The following ASB5 variants were observed in gnomAD, a reference collection of about 807,000 sequenced individuals.
ASB5 encodes ankyrin repeat and SOCS box protein 5.
Under a neutral mutation model 42.1 loss-of-function variants are expected in ASB5, and 45 were observed. The observed-to-expected ratio is 1.07, with a 90% CI of 0.84 to 1.37. The LOEUF (loss-of-function observed/expected upper bound fraction) is 1.37, where lower values mean the gene tolerates loss of function less well. Ranked by LOEUF, ASB5 falls within the 40% of genes most tolerant of loss-of-function variation. The probability of loss-of-function intolerance (pLI) is 0.00; values close to 1 mark genes in which losing one functional copy is unlikely to be tolerated. For synonymous variants in ASB5, 147 were observed against 150.6 expected (o/e 0.98, Z 0.18); for missense variants, 402 against 399.8 (o/e 1.01, Z -0.05).
chr4:176,240,580 A>G (rs1292455938), intron 1 of ASB5, among the ~76,000 whole-genome samples: 1 of 152,226 alleles, frequency 6.6e-6, no homozygotes, highest in African/African-American at 2.4e-5. Context: ...TCGAAGAGGC[A>G]TTATGACAGA....
chr4:176,276,444 A>T (rs11735444), intron 1 of ASB5, among the ~76,000 whole-genome samples: 26,572 of 152,110 alleles, frequency 0.17, 3,006 homozygotes, highest in Middle Eastern at 0.32. Flanking sequence ...ATCCATTTCT[A>T]TAATCAGAAT....
chr4:176,263,517 A>G lies in ASB5; in HGVS notation c.196+5396T>C, dbSNP rs986462758. On this transcript the variant is annotated intron_variant, in intron 1 of 6. Transcript: ENST00000296525. The stretch of plus-strand genomic sequence containing the variant: ...ACCTCCTTGAAAAAAAAATAGTAGC[A>G]CTTTTGAGTATAATGTCATGTATTT... 4.6e-5 allele frequency among the ~76,000 whole-genome samples: 7 copies of G among 152,262 alleles called. No homozygotes were observed. The South Asian group carries it at 1.5e-3, about 32-fold the overall frequency.
At chr4:176,234,624 T>C (rs1365894473) in intron 1 of ASB5, among the ~76,000 whole-genome samples, 1 of 152,150 alleles carries the variant, frequency 6.6e-6, no homozygotes, top group African/African-American at 2.4e-5. Context: ...AGCACATCAG[T>C]GAATGTTTGT....
At chr4:176,262,317 T>C (rs1240361686) in intron 1 of ASB5, among the ~76,000 whole-genome samples, 1 of 152,208 alleles carries the variant, frequency 6.6e-6, no homozygotes, top group Non-Finnish European at 1.5e-5. Flanking sequence ...TTCCTAAAAA[T>C]AAATTCTTTT....
At chr4:176,249,921 C>A (rs1223484968) in intron 1 of ASB5, among the ~76,000 whole-genome samples, 2 of 151,714 alleles carry the variant, frequency 1.3e-5, no homozygotes, top group African/African-American at 4.8e-5. Context: ...AAAAATTAGC[C>A]GGGCGTGGTG....
chr4:176,247,649 C>A (rs527577601), intron 1 of ASB5, among the ~76,000 whole-genome samples: 1 of 152,016 alleles, frequency 6.6e-6, no homozygotes, highest in Admixed American at 6.6e-5. Context: ...GGACTTACAC[C>A]ATACAAAAAA....
chr4:176,234,233 C>CGAA (rs145275778), intron 1 of ASB5, among the ~76,000 whole-genome samples: 1,762 of 152,236 alleles, frequency 0.012, 17 homozygotes, highest in Non-Finnish European at 0.019. Flanking sequence ...GAATAAAATC[C>CGAA]GAAGTCTTTG....
chr4:176,219,360 A>AAT (rs1285276762), intron 5 of ASB5, among the ~76,000 whole-genome samples: 3 of 68,182 alleles, frequency 4.4e-5, no homozygotes, highest in South Asian at 4.1e-4. Context: ...ATGATATATA[A>AAT]ATATATATAT....
intron 1 of ASB5, among the ~76,000 whole-genome samples, chr4:176,231,701 G>A (rs115445979): frequency 0.011 from 1,604 of 151,090 alleles, 26 homozygotes; most frequent in African/African-American, 0.037. Flanking sequence ...AAAATTATCT[G>A]GGCATGGTGG....
chr4:176,271,867 C>T (rs893799842), upstream of ASB5, among the ~76,000 whole-genome samples: 5 of 151,992 alleles, frequency 3.3e-5, no homozygotes, highest in Admixed American at 2.6e-4. Context: ...CAAGTTGCCT[C>T]TAAAATTTTC....
At chr4:176,227,219 G>A (rs1753404620) in intron 1 of ASB5, among the ~76,000 whole-genome samples, 1 of 152,156 alleles carries the variant, frequency 6.6e-6, no homozygotes, top group Admixed American at 6.5e-5. Flanking sequence ...ACCTCAAGGA[G>A]ATATGAGAAA....
At position 176,216,982 on chromosome 4, in the gene ASB5, C is replaced by T; in HGVS notation, c.698G>A (p.Trp233Ter). ...AGADVQKGKY[W>*]DTPLHAAAQQ... ...AGCAGCAGCATGTAATGGAGTATCC[C>T]AATATTTGCCTTTCTGTACGTCAGC... The change falls in exon 6 of 7, where the codon TGG becomes TAG. Residue 233 changes from tryptophan (W) to a stop codon, truncating the protein, a stop_gained. Transcript: ENST00000296525. LOFTEE classifies it high-confidence loss of function. 1 of 1,609,292 alleles carries T rather than the reference C, an allele frequency of 6.2e-7. No homozygotes were observed. The highest frequency in any genetic ancestry group is 8.5e-7 in the Non-Finnish European group (1 of 1,178,470).
At chr4:176,222,922 C>G (rs980436607) in intron 2 of ASB5, among the ~76,000 whole-genome samples, 2 of 145,464 alleles carry the variant, frequency 1.4e-5, no homozygotes, top group African/African-American at 5.1e-5. Flanking sequence ...GGACTACAGG[C>G]GCCCACCACA....
At chr4:176,250,436 C>T (rs1236614979) in intron 1 of ASB5, among the ~76,000 whole-genome samples, 2 of 152,192 alleles carry the variant, frequency 1.3e-5, no homozygotes, top group Non-Finnish European at 2.9e-5. Context: ...AATAAAGTAC[C>T]TCAGAGTGTG....
At chr4:176,241,406 TA>T in intron 1 of ASB5, 4 of 1,421,082 alleles carry the variant, frequency 2.8e-6, no homozygotes, top group Non-Finnish European at 3.8e-6. Flanking sequence ...GCTCACTAAG[TA>T]AAAAAATAAA....
chr4:176,262,742 A>G (rs960627196), intron 1 of ASB5, among the ~76,000 whole-genome samples: 13 of 152,196 alleles, frequency 8.5e-5, no homozygotes, highest in Non-Finnish European at 1.6e-4. Context: ...GACCTGGTAG[A>G]TACATAAATA....
At chr4:176,261,158 T>C (rs1254309295) in intron 1 of ASB5, among the ~76,000 whole-genome samples, 1 of 152,206 alleles carries the variant, frequency 6.6e-6, no homozygotes, top group South Asian at 2.1e-4. Flanking sequence ...GAAAATGGGC[T>C]TAATTGCTAA....
intron 1 of ASB5, among the ~76,000 whole-genome samples, chr4:176,250,928 CT>C (rs1435779109): frequency 6.6e-6 from 1 of 152,168 alleles, no homozygotes; most frequent in Non-Finnish European, 1.5e-5. Flanking sequence ...TCCTTTCATT[CT>C]TTTTACCCAC....
chr4:176,223,302 T>A (rs530850698), intron 2 of ASB5, among the ~76,000 whole-genome samples: 1 of 152,146 alleles, frequency 6.6e-6, no homozygotes, highest in African/African-American at 2.4e-5. Flanking sequence ...ACCTCTAAAT[T>A]TGAAGATTAT....
Sources: allele counts gnomAD v4.1 joint callset (sites outside exome capture counted in the v4.1 genomes callset), GRCh38; gene constraint gnomAD v4.1.1; transcripts MANE v1.5; gene names NCBI Gene and HGNC (gene_info 2026-07-23, HGNC 2026-07-21).